The following FGD3 variants were observed in gnomAD, a reference collection of about 807,000 sequenced individuals.
FGD3 encodes FYVE, RhoGEF and PH domain containing 3, also known as FYVE, RhoGEF and PH domain-containing protein 3.
In FGD3, 45 loss-of-function variants were observed where a neutral mutation model predicts 71.8. The ratio of observed to expected loss-of-function variants is 0.63; its 90% CI spans 0.49 to 0.80. FGD3 has a LOEUF of 0.80. FGD3 is among the 30% of genes least tolerant of loss of function. The pLI, the probability that FGD3 is intolerant of heterozygous loss-of-function variation, is 0.00. For missense variants in FGD3, 844 were observed against 951.5 expected (o/e 0.89, Z 1.49); for synonymous variants, 378 against 392.8 (o/e 0.96, Z 0.44).
chr9:93,021,452 A>G (rs1342442795), intron 13 of FGD3, among the ~76,000 whole-genome samples: 2 of 152,070 alleles, frequency 1.3e-5, no homozygotes, highest in Non-Finnish European at 2.9e-5. Context: ...GAGGAGGCCG[A>G]TCTCTGCCCG....
At chr9:92,949,895 A>G (rs1020750702) in intron 1 of FGD3, among the ~76,000 whole-genome samples, 6 of 152,182 alleles carry the variant, frequency 3.9e-5, no homozygotes, top group African/African-American at 1.4e-4. Flanking sequence ...GCAGAGGCTC[A>G]ACTAACCAAC....
intron 1 of FGD3, among the ~76,000 whole-genome samples, chr9:92,968,225 T>C (rs1329389413): frequency 6.6e-6 from 1 of 152,096 alleles, no homozygotes; most frequent in East Asian, 1.9e-4. Flanking sequence ...ATGCCAGGGC[T>C]ATGGGTCATG....
chr9:92,956,601 A>T (rs539480891), intron 1 of FGD3, among the ~76,000 whole-genome samples: 2 of 152,294 alleles, frequency 1.3e-5, no homozygotes, highest in South Asian at 4.1e-4. Flanking sequence ...AACCCTGCCA[A>T]CACCTTGATC....
chr9:93,018,747 C>A (rs1274646783), intron 11 of FGD3, among the ~76,000 whole-genome samples: 3 of 152,186 alleles, frequency 2.0e-5, no homozygotes, highest in African/African-American at 7.2e-5. Context: ...CTATGGGACT[C>A]GGGGCGGTTT....
At chr9:92,952,970 G>C (rs867287047) in intron 1 of FGD3, among the ~76,000 whole-genome samples, 2 of 152,160 alleles carry the variant, frequency 1.3e-5, no homozygotes, top group Admixed American at 1.3e-4. Flanking sequence ...AATAGTAAAC[G>C]GTGGATCCAA....
At chr9:92,957,049 C>T (rs539444006) in intron 1 of FGD3, among the ~76,000 whole-genome samples, 11 of 152,242 alleles carry the variant, frequency 7.2e-5, no homozygotes, top group Admixed American at 6.5e-5. Flanking sequence ...TTGCTGGATC[C>T]TGTTCCATCC....
chr9:93,012,711 A>G lies in FGD3; in HGVS notation c.1036-1141A>G, dbSNP rs1292797793. Among the ~76,000 whole-genome samples, 3 of 151,078 alleles carry G rather than the reference A, an allele frequency of 2.0e-5. No individual in the cohort carries two copies. In the South Asian group the frequency reaches 6.3e-4, roughly 31 times the overall value. ...GCGGGGTGTGGGGGGGGGAAGAATC[A>G]ATCTACATAGAATGCTCAGAACAGG... On this transcript the variant is annotated intron_variant, in intron 8 of 17. Transcript: ENST00000375482.
At chr9:93,029,120 C>T (rs188810028) in intron 14 of FGD3, among the ~76,000 whole-genome samples, 189 of 145,896 alleles carry the variant, frequency 1.3e-3, no homozygotes, top group African/African-American at 4.7e-3. Context: ...CAACCTCCGC[C>T]TCCTGGGTTG....
chr9:93,029,779 G>A, intron 14 of FGD3, 95 bp from the exon 15 acceptor site: 1 of 1,502,774 alleles, frequency 6.7e-7, no homozygotes, highest in Non-Finnish European at 9.0e-7. Flanking sequence ...AGCCTGTGTG[G>A]CTTTTACAGT....
At chr9:92,971,566 C>CTTTTTTT (rs869043960) in intron 1 of FGD3, among the ~76,000 whole-genome samples, 22 of 39,574 alleles carry the variant, frequency 5.6e-4, no homozygotes, top group African/African-American at 8.3e-4. Context: ...CTTTTCTTTT[C>CTTTTTTT]TTTTTTTTTT....
chr9:92,949,090 C>T (rs547312523), intron 1 of FGD3, among the ~76,000 whole-genome samples: 28 of 152,244 alleles, frequency 1.8e-4, no homozygotes, highest in Admixed American at 6.5e-4. Context: ...TCAAGCCCAT[C>T]GTGGTACTGG....
At chr9:92,980,970 C>T (rs1357884842) in intron 3 of FGD3, among the ~76,000 whole-genome samples, 1 of 116,840 alleles carries the variant, frequency 8.6e-6, no homozygotes, top group Non-Finnish European at 1.8e-5. Context: ...GACTCCATCT[C>T]AAAAAAAAAA....
chr9:92,999,024 G>A lies in FGD3; in HGVS notation c.454-3901G>A, dbSNP rs137968209. ...CTGTCAGACAGGGACGTTTAACTCT[G>A]CAGAAGTTTCTGCTGCCTTTTGTTC... is the stretch of plus-strand genomic sequence containing the variant. On this transcript the variant is annotated intron_variant, in intron 3 of 17. Coordinates refer to ENST00000375482, the MANE Select transcript of FGD3 (RefSeq NM_001083536.2). Among the ~76,000 whole-genome samples, 973 of 152,304 alleles carry A rather than the reference G, an allele frequency of 6.4e-3. 9 individuals carry two copies. Among genetic ancestry groups the A allele is most frequent in the African/African-American group, 0.022 (914 of 41,550 alleles).
chr9:92,984,326 C>A (rs1322199092), intron 3 of FGD3, among the ~76,000 whole-genome samples: 4 of 152,338 alleles, frequency 2.6e-5, no homozygotes, highest in Middle Eastern at 6.8e-3. Flanking sequence ...CATGCAAAAT[C>A]ACTTTTCTTT....
chr9:92,950,861 C>T lies in FGD3; in HGVS notation c.-218+3132C>T, dbSNP rs1281353003. Reference sequence around the variant, plus strand: ...GGGACGGCTCAGGGACAGTGCTGCCCTTTCTGCCTAGGCAGATGGAAATGG... The same window carrying T: ...GGGACGGCTCAGGGACAGTGCTGCCTTTTCTGCCTAGGCAGATGGAAATGG... On this transcript the variant is annotated intron_variant, in intron 1 of 17. Coordinates refer to ENST00000375482, the MANE Select transcript of FGD3 (RefSeq NM_001083536.2). 2.0e-5 allele frequency among the ~76,000 whole-genome samples: 3 copies of T among 152,354 alleles called. No individual in the cohort carries two copies. In the East Asian group the frequency reaches 5.8e-4, roughly 29 times the overall value.
intron 12 of FGD3, 88 bp downstream of exon 12, chr9:93,019,949 G>A (rs1861848560): frequency 7.1e-6 from 10 of 1,410,610 alleles, no homozygotes; most frequent in Non-Finnish European, 1.0e-5. Context: ...TGGGGGCCCT[G>A]GCCTCCGGGA....
chr9:93,020,952 C>T (rs533032081), intron 13 of FGD3, among the ~76,000 whole-genome samples: 2 of 152,314 alleles, frequency 1.3e-5, no homozygotes, highest in South Asian at 2.1e-4. Flanking sequence ...GTGGAGGAAG[C>T]GCTCCTTCAT....
chr9:93,008,171 C>T (rs75924734), intron 6 of FGD3, among the ~76,000 whole-genome samples: 6,376 of 152,234 alleles, frequency 0.042, 183 homozygotes, highest in East Asian at 0.14. Context: ...ATGATGATGA[C>T]TTTTGAGCGT....
In FGD3 at chr9:93,015,829, G is replaced by A. The variant is rs778930921; in HGVS notation, c.1275G>A (p.Gln425=). ...VREKMDISGL[Q]VQDIVKPNTA... ...AGAAGATGGACATCTCAGGCCTCCA[G>A]GTGGGTGAGCTCCTCCATCTCAAAC... is the stretch of plus-strand genomic sequence containing the variant. The change falls in exon 10 of 18, where the codon CAG becomes CAA. Residue 425 remains glutamine (Q), a splice_region_variant and synonymous_variant. Coordinates refer to ENST00000375482, the MANE Select transcript of FGD3 (RefSeq NM_001083536.2). 1.9e-6 allele frequency: 3 copies of A among 1,614,096 alleles called. No homozygotes were observed. The South Asian group carries it at 3.3e-5, about 18-fold the overall frequency.
Sources: allele counts gnomAD v4.1 joint callset (sites outside exome capture counted in the v4.1 genomes callset), GRCh38; gene constraint gnomAD v4.1.1; transcripts MANE v1.5; gene names NCBI Gene and HGNC (gene_info 2026-07-23, HGNC 2026-07-21).